DNAH5: variants seen among roughly 807,000 people sequenced by gnomAD.
The protein encoded by DNAH5 is axonemal beta dynein heavy chain 5.
A neutral mutation model predicts 518.2 loss-of-function variants in DNAH5; 372 were observed. The ratio of observed to expected loss-of-function variants is 0.72; its 90% CI spans 0.66 to 0.78. The LOEUF (loss-of-function observed/expected upper bound fraction) is 0.78. DNAH5 is among the 30% of genes least tolerant of loss of function. The probability of loss-of-function intolerance (pLI) is 0.00; values close to 1 mark genes in which losing one functional copy is unlikely to be tolerated. For missense variants in DNAH5, 5,523 were observed against 5,687.0 expected (o/e 0.97, Z 0.93); for synonymous variants, 2,039 against 2,025.9 (o/e 1.01, Z -0.17).
At position 13,829,645 on chromosome 5, in the gene DNAH5, T is replaced by G; in HGVS notation, c.6309A>C (p.Ser2103=). Reference sequence around the variant, plus strand: ...GACGGTCAGGCACCATCATGGCCACTGAGCGGAAATTAATCTTCAAGTTTT... The same window carrying G: ...GACGGTCAGGCACCATCATGGCCACGGAGCGGAAATTAATCTTCAAGTTTT... ...LPENLKINFR[S]VAMMVPDRQI... Residue 2103 remains serine, a synonymous_variant, in exon 38 of 79, where the codon TCA becomes TCC. Coordinates refer to ENST00000265104, the MANE Select transcript of DNAH5 (RefSeq NM_001369.3). The G allele has an allele frequency of 6.2e-7, 1 of 1,614,238 alleles. No individual in the cohort carries two copies. The highest frequency in any genetic ancestry group is 8.5e-7 in the Non-Finnish European group (1 of 1,180,038).
At chr5:13,692,160 A>G in intron 78 of DNAH5, 25 bp from the exon 79 acceptor site, 1 of 1,613,410 alleles carries the variant, frequency 6.2e-7, no homozygotes, top group Middle Eastern at 1.7e-4. Flanking sequence ...AAAGAAAAGA[A>G]CTTGGTGAAA....
In DNAH5 at chr5:13,917,487, T is replaced by C. The variant is rs184546050; in HGVS notation, c.976-231A>G. 2.6e-4 allele frequency among the ~76,000 whole-genome samples: 39 copies of C among 152,344 alleles called. No individual in the cohort carries two copies. In the East Asian group the frequency reaches 7.1e-3, roughly 28 times the overall value. ...GGCTTCTCATATAAAATCTATGCTA[T>C]GACTATCACAGAGCACCAGGAGGGC... On this transcript the variant is annotated intron_variant, in intron 7 of 78. Coordinates refer to ENST00000265104, the MANE Select transcript of DNAH5 (RefSeq NM_001369.3).
At chr5:13,944,233 G>T in intron 1 of DNAH5, 149 bp downstream of exon 1, 2 of 789,746 alleles carry the variant, frequency 2.5e-6, no homozygotes, top group Non-Finnish European at 4.3e-6. Flanking sequence ...TGTAGCCTAT[G>T]CACCAGGTGA....
Position 13,868,012 on chromosome 5 carries a change from A to T in DNAH5, c.3835-20T>A, listed in dbSNP as rs1268216192. The T allele has an allele frequency of 6.2e-7, 1 of 1,600,908 alleles. No individual in the cohort carries two copies. Among genetic ancestry groups the T allele is most frequent in the African/African-American group, 1.3e-5 (1 of 74,590 alleles). On this transcript the variant is annotated intron_variant, in intron 24 of 78. Transcript: ENST00000265104. ...AGATTCCTAAAAAAAAATAGGAAAAACTTAATTTTGGCCAGTCAGATGCAT... is the reference window on the plus strand; with the variant it reads ...AGATTCCTAAAAAAAAATAGGAAAATCTTAATTTTGGCCAGTCAGATGCAT...
rs1188507108 is a variant in DNAH5, at chr5:13,850,707, G to A, written c.5059C>T (p.Gln1687Ter). 2 of 1,614,008 alleles carry A rather than the reference G, an allele frequency of 1.2e-6. No individual in the cohort carries two copies. Among genetic ancestry groups the A allele is most frequent in the Non-Finnish European group, 1.7e-6 (2 of 1,179,924 alleles). ...TGGTCCAGCAAGTGTGGTAACAGCT[G>A]CCCCAGGGTCTCATCTCCAACACAG... is the stretch of plus-strand genomic sequence containing the variant. ...QCCVGDETLG[Q>*]LLPHLLDQLE... The change falls in exon 31 of 79, where the codon CAG (glutamine) becomes TAG (stop). Residue 1687 changes from glutamine to a stop codon, truncating the protein, a stop_gained. Coordinates refer to ENST00000265104, the MANE Select transcript of DNAH5 (RefSeq NM_001369.3). LOFTEE classifies it high-confidence loss of function.
chr5:14,002,737 A>T (rs1336177714), intron 1 of DNAH5, among the ~76,000 whole-genome samples: 1 of 152,102 alleles, frequency 6.6e-6, no homozygotes, highest in Non-Finnish European at 1.5e-5. Flanking sequence ...TAACAGAAGA[A>T]TTTGAGTTTA....
In DNAH5 at chr5:13,724,525, G is replaced by C. The variant is rs545767851; in HGVS notation, c.12033+2982C>G. Among the ~76,000 whole-genome samples, 49 of 152,342 alleles carry C rather than the reference G, an allele frequency of 3.2e-4. 2 individuals carry two copies. The South Asian group carries it at 9.5e-3, about 30-fold the overall frequency. Reference sequence around the variant, plus strand: ...AGACTTTAGGGGACAGTTAGGAAGAGATGATTGTATTTTGCAATGTAAGAA... The same window carrying C: ...AGACTTTAGGGGACAGTTAGGAAGACATGATTGTATTTTGCAATGTAAGAA... On this transcript the variant is annotated intron_variant, in intron 70 of 78. Transcript: ENST00000265104.
chr5:13,792,401 C>A (rs979686595), intron 49 of DNAH5, among the ~76,000 whole-genome samples, 184 bp from the exon 50 acceptor site: 3 of 151,956 alleles, frequency 2.0e-5, no homozygotes, highest in African/African-American at 7.3e-5. Context: ...AAAATAGATA[C>A]AAGTTTAAGA....
rs373198349 is a variant in DNAH5 at position 13,763,292 on chromosome 5, C to T, written c.10102-391G>A. 3.9e-5 allele frequency among the ~76,000 whole-genome samples: 6 copies of T among 152,358 alleles called. No individual in the cohort carries two copies. In the East Asian group the frequency reaches 7.7e-4, roughly 20 times the overall value. On this transcript the variant is annotated intron_variant, in intron 59 of 78. Transcript: ENST00000265104. ...TAAAATCCACAATGAAAACTAAACA[C>T]ACCTAGGTGTATTCAGTCTGAGGAT...
chr5:13,982,991 A>G (rs959370163), intron 1 of DNAH5, among the ~76,000 whole-genome samples: 4 of 152,220 alleles, frequency 2.6e-5, no homozygotes, highest in Non-Finnish European at 5.9e-5. Flanking sequence ...TTAGGCAGCC[A>G]TTCTTAAACC....
intron 69 of DNAH5, 123 bp downstream of exon 69, chr5:13,729,316 G>A: frequency 7.4e-7 from 1 of 1,342,920 alleles, no homozygotes; most frequent in South Asian, 1.2e-5. Context: ...TCAAGCACAT[G>A]TAATACCATT....
chr5:13,937,434 T>C (rs1224924041), intron 1 of DNAH5, among the ~76,000 whole-genome samples: 4 of 151,102 alleles, frequency 2.6e-5, no homozygotes, highest in Non-Finnish European at 5.9e-5. Context: ...ACTGCACTCC[T>C]GTGTCTCTCA....
intron 12 of DNAH5, 92 bp downstream of exon 12, chr5:13,911,294 C>T: frequency 1.0e-6 from 1 of 963,824 alleles, no homozygotes; most frequent in Middle Eastern, 2.1e-4. Context: ...GAAGATACCT[C>T]TGCCTTCTGA....
At chr5:13,773,983 G>A (rs1753717613) in intron 55 of DNAH5, among the ~76,000 whole-genome samples, 1 of 152,078 alleles carries the variant, frequency 6.6e-6, no homozygotes, top group Non-Finnish European at 1.5e-5. Flanking sequence ...GGGACCTCAG[G>A]AGAGCCTGGG....
rs1740633103 is a variant in DNAH5 at position 13,690,887 on chromosome 5, A to G, written c.*1097T>C. ...CTGATCATCACATTTTTTCAAGCCA[A>G]CTATAATTCTTGCTATCACATCTGT... On this transcript the variant is annotated 3_prime_UTR_variant, in exon 79 of 79. Coordinates refer to ENST00000265104, the MANE Select transcript of DNAH5 (RefSeq NM_001369.3). 1 of 152,144 alleles carries G rather than the reference A, an allele frequency of 6.6e-6. No individual in the cohort carries two copies. The highest frequency in any genetic ancestry group is 2.1e-4 in the South Asian group (1 of 4,820). The allele number at this position is 152,144 out of a possible 1,614,324, so 9.4% of individuals were successfully genotyped here. A position where few individuals can be genotyped will look rare whatever the true frequency, so the allele number is the denominator to read the frequency against.
At chr5:13,739,943 C>T (rs1468469755) in intron 65 of DNAH5, among the ~76,000 whole-genome samples, 1 of 152,164 alleles carries the variant, frequency 6.6e-6, no homozygotes, top group Non-Finnish European at 1.5e-5. Flanking sequence ...CTCCTTTCAA[C>T]TCTCCACTTG....
chr5:13,974,039 C>G (rs1438460873), intron 1 of DNAH5, among the ~76,000 whole-genome samples: 1 of 152,130 alleles, frequency 6.6e-6, no homozygotes, highest in Non-Finnish European at 1.5e-5. Flanking sequence ...TGAATATGCA[C>G]TTAGTTTGCT....
intron 59 of DNAH5, among the ~76,000 whole-genome samples, chr5:13,764,284 C>T (rs1752199238): frequency 6.6e-6 from 1 of 152,146 alleles, no homozygotes; most frequent in Non-Finnish European, 1.5e-5. Flanking sequence ...CTAAGAATTT[C>T]TGTTTATCAA....
chr5:13,885,253 G>C, intron 18 of DNAH5, 25 bp from the exon 19 acceptor site: 1 of 1,613,076 alleles, frequency 6.2e-7, no homozygotes, highest in Non-Finnish European at 8.5e-7. Flanking sequence ...AAGAGATAGA[G>C]ATAGAGATAA....
Sources: allele counts gnomAD v4.1 joint callset (sites outside exome capture counted in the v4.1 genomes callset), GRCh38; gene constraint gnomAD v4.1.1; transcripts MANE v1.5; gene names NCBI Gene and HGNC (gene_info 2026-07-23, HGNC 2026-07-21).